The following GLG1 variants were observed in gnomAD, a reference collection of about 807,000 sequenced individuals.
GLG1 encodes golgi glycoprotein 1, also known as Golgi apparatus protein 1.
A neutral mutation model predicts 160.5 loss-of-function variants in GLG1; 38 were observed. The ratio of observed to expected loss-of-function variants is 0.24; its 90% CI spans 0.18 to 0.31. The LOEUF is 0.31. Among genes scored for constraint, GLG1 ranks in the 10% least tolerant of loss-of-function variants. The pLI, the probability that GLG1 is intolerant of heterozygous loss-of-function variation, is 1.00. For missense variants in GLG1, 1,373 were observed against 1,505.2 expected (o/e 0.91, Z 1.45); for synonymous variants, 644 against 543.4 (o/e 1.19, Z -2.57).
At chr16:74,590,212 G>C (rs180986996) in intron 1 of GLG1, among the ~76,000 whole-genome samples, 1 of 152,110 alleles carries the variant, frequency 6.6e-6, no homozygotes, top group Admixed American at 6.5e-5. Context: ...TGTTAGCCAG[G>C]ATGGTCTTGA....
At chr16:74,584,083 C>T (rs1023688611) in intron 1 of GLG1, among the ~76,000 whole-genome samples, 2 of 152,056 alleles carry the variant, frequency 1.3e-5, no homozygotes, top group African/African-American at 4.8e-5. Context: ...CTTCAATTTT[C>T]CTCACTTCAA....
intron 3 of GLG1, among the ~76,000 whole-genome samples, chr16:74,505,486 GA>G (rs1168994845): frequency 6.6e-6 from 1 of 152,168 alleles, no homozygotes; most frequent in Non-Finnish European, 1.5e-5. Context: ...TTGGAAGACC[GA>G]GGGGGGTGGA....
rs2014394520 is a variant in GLG1, at chr16:74,453,194, T to G, written c.3513A>C (p.Arg1171=). Residue 1171 remains arginine, a synonymous_variant, in exon 26 of 26, where the codon CGA becomes CGC. Transcript: ENST00000422840. ...IGLMCGRITK[R]VTRELKDR is the part of the protein sequence containing the mutation. ...ACCTGTCCTTGAGCTCTCGTGTCAC[T>G]CGCTTGGTGATCCGTCCACACATCA... 2 of 1,614,090 alleles carry G rather than the reference T, an allele frequency of 1.2e-6. No homozygotes were observed. The highest frequency in any genetic ancestry group is 2.7e-5 in the African/African-American group (2 of 75,048).
At chr16:74,536,707 A>G (rs1180958566) in intron 1 of GLG1, among the ~76,000 whole-genome samples, 3 of 152,116 alleles carry the variant, frequency 2.0e-5, no homozygotes, top group South Asian at 2.1e-4. Context: ...GTTTTAACGT[A>G]TTTTTATAAT....
intron 5 of GLG1, among the ~76,000 whole-genome samples, chr16:74,495,106 C>CTTTT (rs5817913): frequency 1.2e-5 from 1 of 83,222 alleles, no homozygotes; most frequent in South Asian, 4.8e-4. Flanking sequence ...GAGTCTGAGT[C>CTTTT]TTTTTTTTTT....
chr16:74,528,031 CCCA>C (rs1398810954), intron 2 of GLG1, among the ~76,000 whole-genome samples: 1 of 151,126 alleles, frequency 6.6e-6, no homozygotes, highest in African/African-American at 2.4e-5. Context: ...ACTACAGATG[CCCA>C]CCACCACACC....
At chr16:74,491,331 A>G (rs2015976613) in intron 7 of GLG1, 116 bp from the exon 8 acceptor site, 2 of 763,472 alleles carry the variant, frequency 2.6e-6, no homozygotes, top group East Asian at 2.5e-5. Context: ...CCTATCAGAC[A>G]TGCTAACATC....
chr16:74,481,851 A>G (rs965823897), intron 10 of GLG1, among the ~76,000 whole-genome samples: 1 of 151,994 alleles, frequency 6.6e-6, no homozygotes, highest in African/African-American at 2.4e-5. Flanking sequence ...GTGGCGCGAT[A>G]TCGGCTCAGG....
At chr16:74,572,119 C>A (rs549193877) in intron 1 of GLG1, among the ~76,000 whole-genome samples, 1 of 152,152 alleles carries the variant, frequency 6.6e-6, no homozygotes, top group East Asian at 1.9e-4. Context: ...AGGGTTGGGA[C>A]TTTCAGGCCC....
intron 2 of GLG1, among the ~76,000 whole-genome samples, chr16:74,509,365 T>C (rs934079891): frequency 6.6e-6 from 1 of 151,884 alleles, no homozygotes; most frequent in Non-Finnish European, 1.5e-5. Context: ...TTGGTAAGGT[T>C]TTCAAGGAAA....
chr16:74,497,822 G>C (rs2016255099), intron 4 of GLG1, among the ~76,000 whole-genome samples: 1 of 152,144 alleles, frequency 6.6e-6, no homozygotes, highest in Non-Finnish European at 1.5e-5. Flanking sequence ...TCCCTACTCT[G>C]TGGTGTCCAC....
chr16:74,485,788 T>C lies in GLG1; in HGVS notation c.1571+8A>G. On this transcript the variant is annotated splice_region_variant and intron_variant, in intron 9 of 25. Coordinates refer to ENST00000422840, the MANE Select transcript of GLG1 (RefSeq NM_001145667.2). The stretch of plus-strand genomic sequence containing the variant: ...ATATGGATAAATACCATGGAGAAGA[T>C]AACTTACATTGGGTCTCCAGATCTT... 1 of 1,610,794 alleles carries C rather than the reference T, an allele frequency of 6.2e-7. No homozygotes were observed. The highest frequency in any genetic ancestry group is 1.7e-5 in the Admixed American group (1 of 59,546).
intron 8 of GLG1, 116 bp downstream of exon 8, chr16:74,490,885 A>T: frequency 1.4e-6 from 1 of 701,976 alleles, no homozygotes; most frequent in East Asian, 2.5e-5. Flanking sequence ...ATTAGTACCT[A>T]ATGTTCAATG....
intron 4 of GLG1, among the ~76,000 whole-genome samples, chr16:74,501,093 T>G (rs909206462): frequency 1.3e-5 from 2 of 152,254 alleles, no homozygotes; most frequent in Admixed American, 6.5e-5. Context: ...TTGTTTTCTG[T>G]GTTCAGAAGC....
At chr16:74,480,749 G>A (rs982862406) in intron 10 of GLG1, among the ~76,000 whole-genome samples, 5 of 151,984 alleles carry the variant, frequency 3.3e-5, no homozygotes, top group Middle Eastern at 6.8e-3. Context: ...ACAGAGTCTC[G>A]CCATGTTGTC....
At chr16:74,589,386 A>G (rs1286659570) in intron 1 of GLG1, among the ~76,000 whole-genome samples, 1 of 152,226 alleles carries the variant, frequency 6.6e-6, no homozygotes, top group Non-Finnish European at 1.5e-5. Context: ...CAATGCCTAA[A>G]GCAGACCTAG....
chr16:74,451,971 T>G lies in GLG1; in HGVS notation c.*1196A>C, dbSNP rs1348487320. On this transcript the variant is annotated 3_prime_UTR_variant, in exon 26 of 26. Coordinates refer to ENST00000422840, the MANE Select transcript of GLG1 (RefSeq NM_001145667.2). The stretch of plus-strand genomic sequence containing the variant: ...AAAAAACAGAGCAAATCCTCCATCT[T>G]TTAATGTGATAACTTTCCACACCCT... The G allele has an allele frequency of 4.0e-6, 4 of 998,030 alleles. No homozygotes were observed. Among genetic ancestry groups the G allele is most frequent in the Non-Finnish European group, 6.4e-6 (4 of 623,168 alleles). 61.8% of individuals were successfully genotyped at this position (998,030 alleles called of 1,614,324 possible).
rs574375871 is a variant in GLG1, at chr16:74,492,895, C to A, written c.1234+62G>T. On this transcript the variant is annotated intron_variant, in intron 7 of 25. Transcript: ENST00000422840. ...GAAACTAACGTTTATATATATAAAG[C>A]TTTAGAGTGTGAATCCAAAAAGGAA... 6 of 1,004,674 alleles carry A rather than the reference C, an allele frequency of 6.0e-6. No individual in the cohort carries two copies. In the African/African-American group the frequency reaches 6.7e-5, roughly 11 times the overall value. The allele number at this position is 1,004,674 out of a possible 1,614,324, so 62.2% of individuals were successfully genotyped here.
At chr16:74,532,720 G>A (rs1377618992) in intron 1 of GLG1, among the ~76,000 whole-genome samples, 4 of 152,066 alleles carry the variant, frequency 2.6e-5, no homozygotes, top group Admixed American at 6.5e-5. Flanking sequence ...TAGAGACGGG[G>A]TTTCACTATG....
Sources: allele counts gnomAD v4.1 joint callset (sites outside exome capture counted in the v4.1 genomes callset), GRCh38; gene constraint gnomAD v4.1.1; transcripts MANE v1.5; gene names NCBI Gene and HGNC (gene_info 2026-07-23, HGNC 2026-07-21).